UBAC2: variants seen among roughly 807,000 people sequenced by gnomAD.
The protein encoded by UBAC2 is ubiquitin-associated domain-containing protein 2.
In UBAC2, 26 loss-of-function variants were observed where a neutral mutation model predicts 44.0. The ratio of observed to expected loss-of-function variants is 0.59; its 90% CI spans 0.43 to 0.82. The LOEUF is 0.82. Among genes scored for constraint, UBAC2 ranks in the 40% least tolerant of loss-of-function variants. UBAC2 has a pLI of 0.00. For missense variants in UBAC2, 329 were observed against 419.4 expected (o/e 0.78, Z 1.88); for synonymous variants, 155 against 154.3 (o/e 1.00, Z -0.04).
chr13:99,202,519 A>G (rs1030161446), intron 1 of UBAC2, among the ~76,000 whole-genome samples: 1 of 152,374 alleles, frequency 6.6e-6, no homozygotes, highest in African/African-American at 2.4e-5. Flanking sequence ...ATATAAAAAA[A>G]TAAAGGGCAA....
intron 8 of UBAC2, among the ~76,000 whole-genome samples, chr13:99,373,759 T>G (rs1171832970): frequency 6.6e-6 from 1 of 152,122 alleles, no homozygotes. Context: ...TTCTAGAAGC[T>G]GGACAGAAAG....
intron 1 of UBAC2, among the ~76,000 whole-genome samples, chr13:99,202,778 G>A (rs1184795478): frequency 6.6e-6 from 1 of 152,138 alleles, no homozygotes; most frequent in African/African-American, 2.4e-5. Context: ...TGGGATGGCC[G>A]TTCCTCAGAA....
intron 6 of UBAC2, among the ~76,000 whole-genome samples, chr13:99,319,102 A>G (rs1479502442): frequency 6.6e-6 from 1 of 152,182 alleles, no homozygotes; most frequent in African/African-American, 2.4e-5. Flanking sequence ...TCATCATGGA[A>G]GAAGGGAATG....
intron 6 of UBAC2, among the ~76,000 whole-genome samples, chr13:99,339,105 A>G (rs1445956901): frequency 1.1e-4 from 17 of 151,892 alleles, no homozygotes; most frequent in Admixed American, 1.0e-3. Flanking sequence ...CTTTTCCTTG[A>G]GTTCTAGAAT....
In UBAC2 at chr13:99,217,139, C is replaced by T. The variant is rs184471879; in HGVS notation, c.31+16200C>T. The stretch of plus-strand genomic sequence containing the variant: ...AGCCACGGCGCCTGGCCTCTTTCCT[C>T]GTTTTCGAATTAATTTTAGTGTTTG... On this transcript the variant is annotated intron_variant, in intron 1 of 8. Coordinates refer to ENST00000403766, the MANE Select transcript of UBAC2 (RefSeq NM_001144072.2). Among the ~76,000 whole-genome samples the T allele has an allele frequency of 3.9e-3, 592 of 152,252 alleles. 6 individuals are homozygous for T. Among genetic ancestry groups the T allele is most frequent in the South Asian group, 0.011 (52 of 4,824 alleles).
intron 6 of UBAC2, among the ~76,000 whole-genome samples, chr13:99,336,282 G>C (rs2044787793): frequency 6.6e-6 from 1 of 152,102 alleles, no homozygotes; most frequent in African/African-American, 2.4e-5. Context: ...CAGGCCTCTT[G>C]TGTTTTCATT....
intron 4 of UBAC2, among the ~76,000 whole-genome samples, chr13:99,245,235 T>C (rs1420948420): frequency 6.6e-6 from 1 of 152,220 alleles, no homozygotes; most frequent in Non-Finnish European, 1.5e-5. Context: ...TATAGTGAAA[T>C]TTGTCTTTGT....
chr13:99,309,683 C>T (rs1268106431), intron 4 of UBAC2, among the ~76,000 whole-genome samples: 1 of 152,176 alleles, frequency 6.6e-6, no homozygotes, highest in Non-Finnish European at 1.5e-5. Flanking sequence ...TCACTGCAAC[C>T]TCTGCCTCCT....
intron 1 of UBAC2, among the ~76,000 whole-genome samples, chr13:99,228,865 C>T (rs1665386246): frequency 6.6e-6 from 1 of 152,202 alleles, no homozygotes; most frequent in African/African-American, 2.4e-5. Context: ...TAGATGCTCA[C>T]AAGACCTTAC....
chr13:99,348,473 A>C (rs925910094), intron 7 of UBAC2, among the ~76,000 whole-genome samples: 2 of 152,316 alleles, frequency 1.3e-5, no homozygotes, highest in Middle Eastern at 3.4e-3. Flanking sequence ...CAGGGGCTCA[A>C]AACAGCTGTG....
At chr13:99,303,381 C>A (rs1309331624) in intron 4 of UBAC2, among the ~76,000 whole-genome samples, 1 of 152,230 alleles carries the variant, frequency 6.6e-6, no homozygotes, top group African/African-American at 2.4e-5. Flanking sequence ...TGGTTGAACA[C>A]CCACTTGCAC....
At chr13:99,296,786 A>G (rs780628153) in intron 4 of UBAC2, among the ~76,000 whole-genome samples, 2 of 152,182 alleles carry the variant, frequency 1.3e-5, no homozygotes, top group Non-Finnish European at 2.9e-5. Flanking sequence ...CGCAACAACC[A>G]TGACTAAAAT....
intron 1 of UBAC2, among the ~76,000 whole-genome samples, chr13:99,219,290 G>T (rs1282594771): frequency 6.6e-6 from 1 of 152,128 alleles, no homozygotes; most frequent in Non-Finnish European, 1.5e-5. Context: ...GCTTTGCAAG[G>T]CCTGTGGTTA....
At chr13:99,359,921 T>C (rs1346377548) in intron 7 of UBAC2, among the ~76,000 whole-genome samples, 2 of 152,224 alleles carry the variant, frequency 1.3e-5, no homozygotes. Context: ...TGCTGTGTGC[T>C]TCACACTTCA....
chr13:99,245,159 T>C (rs1489865699), intron 4 of UBAC2, among the ~76,000 whole-genome samples: 1 of 152,216 alleles, frequency 6.6e-6, no homozygotes, highest in East Asian at 1.9e-4. Flanking sequence ...TTTGAAAGTT[T>C]GTGTTTTAGA....
At chr13:99,240,202 A>G (rs1212665496) in intron 2 of UBAC2, among the ~76,000 whole-genome samples, 1 of 152,180 alleles carries the variant, frequency 6.6e-6, no homozygotes, top group African/African-American at 2.4e-5. Flanking sequence ...TGAGTTGCAG[A>G]AGCAGTGCTT....
intron 8 of UBAC2, among the ~76,000 whole-genome samples, chr13:99,371,049 C>T (rs746079490): frequency 2.6e-5 from 4 of 151,594 alleles, no homozygotes; most frequent in African/African-American, 7.3e-5. Flanking sequence ...GCCGTTAAGA[C>T]GAGGTATTTA....
In UBAC2 at chr13:99,215,332, T is replaced by C. The variant is rs952806634; in HGVS notation, c.31+14393T>C. 7.2e-6 allele frequency: 6 copies of C among 831,822 alleles called. No individual in the cohort carries two copies. In the East Asian group the frequency reaches 1.2e-4, roughly 17 times the overall value. The allele number at this position is 831,822 out of a possible 1,614,324, so 51.5% of individuals were successfully genotyped here. A position where few individuals can be genotyped will look rare whatever the true frequency, so the allele number is the denominator to read the frequency against. On this transcript the variant is annotated intron_variant, in intron 1 of 8. Coordinates refer to ENST00000403766, the MANE Select transcript of UBAC2 (RefSeq NM_001144072.2). ...TCACCAACACTGGACAGCTGTTCTT[T>C]TATTTAGAGTCCTGAGATAACAAGG...
intron 4 of UBAC2, among the ~76,000 whole-genome samples, chr13:99,303,326 C>T (rs186565167): frequency 4.6e-5 from 7 of 152,364 alleles, no homozygotes; most frequent in East Asian, 3.9e-4. Flanking sequence ...TTCATAGACG[C>T]GCTCCTTGGA....
Sources: allele counts gnomAD v4.1 joint callset (sites outside exome capture counted in the v4.1 genomes callset), GRCh38; gene constraint gnomAD v4.1.1; transcripts MANE v1.5; gene names NCBI Gene and HGNC (gene_info 2026-07-23, HGNC 2026-07-21).